Variants in ABCC1 observed in about 807,000 individuals in gnomAD.
ABCC1 encodes the protein ATP binding cassette subfamily C member 1 (ABCC1 blood group).
In ABCC1, 83 loss-of-function variants were observed where a neutral mutation model predicts 172.9. The observed-to-expected ratio is 0.48, with a 90% confidence interval of 0.40 to 0.58. The LOEUF is 0.58. Among genes scored for constraint, ABCC1 ranks in the 20% least tolerant of loss-of-function variants. The probability of loss-of-function intolerance (pLI) is 0.00; values close to 1 mark genes in which losing one functional copy is unlikely to be tolerated. For synonymous variants in ABCC1, 937 were observed against 825.2 expected (o/e 1.14, Z -2.32); for missense variants, 1,817 against 2,002.7 (o/e 0.91, Z 1.77).
chr16:16,122,316 C>A, intron 24 of ABCC1, 142 bp downstream of exon 24: 4 of 856,630 alleles, frequency 4.7e-6, no homozygotes, highest in Non-Finnish European at 5.4e-6. Context: ...GCTTGATGAG[C>A]GCGGAGGACA....
intron 19 of ABCC1, among the ~76,000 whole-genome samples, chr16:16,092,752 G>A (rs545272861): frequency 5.9e-5 from 9 of 152,330 alleles, no homozygotes; most frequent in African/African-American, 2.2e-4. Flanking sequence ...CACTTTGGGA[G>A]GCCAAGGCGG....
At chr16:16,021,798 A>C (rs2151788388) in intron 5 of ABCC1, among the ~76,000 whole-genome samples, 1 of 152,282 alleles carries the variant, frequency 6.6e-6, no homozygotes, top group Middle Eastern at 3.4e-3. Context: ...GGGGGCAAGG[A>C]AGGGTAGGAA....
At chr16:15,955,477 C>G (rs1036914449) in intron 1 of ABCC1, among the ~76,000 whole-genome samples, 2 of 152,168 alleles carry the variant, frequency 1.3e-5, no homozygotes, top group Non-Finnish European at 2.9e-5. Context: ...CTTGAGGGTA[C>G]AAGCCAAAGG....
Position 16,083,453 on chromosome 16 carries a change from C to G in ABCC1, c.2203C>G (p.Pro735Ala). 2 of 1,613,960 alleles carry G rather than the reference C, an allele frequency of 1.2e-6. No homozygotes were observed. Among genetic ancestry groups the G allele is most frequent in the East Asian group, 2.2e-5 (1 of 44,884 alleles). ...CCTTTTTGGATGTCAGCTGGAGGAACCATATTACAGGTCCGTGATACAGGC... is the reference window on the plus strand; with the variant it reads ...CCTTTTTGGATGTCAGCTGGAGGAAGCATATTACAGGTCCGTGATACAGGC... Reference protein sequence around the residue: ...NILFGCQLEEPYYRSVIQACA... With the variant: ...NILFGCQLEEAYYRSVIQACA... Residue 735 changes from proline (P) to alanine (A), a missense_variant, in exon 17 of 31, where the codon CCA (proline) becomes GCA (alanine). By Grantham distance (27) the Pro-to-Ala change is conservative (BLOSUM62 -1). This residue lies in a region of ABCC1 where 1,412 missense variants were observed against 1,600.3 expected (regional missense o/e 0.88). Transcript: ENST00000399410.
In ABCC1 at chr16:16,060,071, C is replaced by G. The variant is rs190002507; in HGVS notation, c.1677+3776C>G. Reference sequence around the variant, plus strand: ...AAACAGGTGTGGGCCAAATGTGGACCTGAGCCATCCTTGTTGGCCAGCCCC... The same window carrying G: ...AAACAGGTGTGGGCCAAATGTGGACGTGAGCCATCCTTGTTGGCCAGCCCC... On this transcript the variant is annotated intron_variant, in intron 12 of 30. Transcript: ENST00000399410. Among the ~76,000 whole-genome samples the G allele has an allele frequency of 6.2e-3, 943 of 152,226 alleles. 10 individuals carry two copies. The highest frequency in any genetic ancestry group is 0.022 in the African/African-American group (895 of 41,558).
chr16:16,103,737 A>G (rs2051897949), intron 20 of ABCC1, among the ~76,000 whole-genome samples: 1 of 152,210 alleles, frequency 6.6e-6, no homozygotes, highest in Non-Finnish European at 1.5e-5. Context: ...AGCAAAGACC[A>G]TGCGGCATAG....
intron 1 of ABCC1, among the ~76,000 whole-genome samples, chr16:15,956,240 C>T (rs770850731): frequency 1.3e-5 from 2 of 152,000 alleles, no homozygotes; most frequent in Middle Eastern, 3.2e-3. Context: ...TGGCGGGTGC[C>T]TGTAATCCCA....
chr16:16,084,099 T>A lies in ABCC1; in HGVS notation c.2292+557T>A, dbSNP rs188499473. The stretch of plus-strand genomic sequence containing the variant: ...TTTTCTCTTTCTTTTCTTTCTTTCT[T>A]TTTATTTATTTATTTATTTTTGAGA... On this transcript the variant is annotated intron_variant, in intron 17 of 30. Coordinates refer to ENST00000399410, the MANE Select transcript of ABCC1 (RefSeq NM_004996.4). Among the ~76,000 whole-genome samples the A allele has an allele frequency of 3.3e-5, 5 of 152,174 alleles. No homozygotes were observed. In the East Asian group the frequency reaches 9.7e-4, roughly 29 times the overall value.
chr16:16,007,258 C>G (rs576306838), intron 1 of ABCC1, among the ~76,000 whole-genome samples: 20 of 143,708 alleles, frequency 1.4e-4, no homozygotes, highest in African/African-American at 5.2e-4. Context: ...GACAGGGTCT[C>G]GCTCTGTTGC....
At chr16:16,067,305 C>T (rs1257493192) in intron 12 of ABCC1, among the ~76,000 whole-genome samples, 1 of 152,172 alleles carries the variant, frequency 6.6e-6, no homozygotes, top group East Asian at 1.9e-4. Context: ...GGCTCAGCGT[C>T]ATCTGTCTTG....
At position 16,090,544 on chromosome 16, in the gene ABCC1, G is replaced by C; in HGVS notation, c.2600G>C (p.Arg867Pro). Reference protein sequence around the residue: ...ARDGAFAEFLRTYASTEQEQD... With the variant: ...ARDGAFAEFLPTYASTEQEQD... ...GACGGCGCCTTCGCTGAGTTCCTGC[G>C]TACCTATGCCAGCACAGAGCAGGAG... Residue 867 changes from arginine to proline, a missense_variant, in exon 19 of 31, where the codon CGT (arginine) becomes CCT (proline). Physicochemically the swap from Arg to Pro is moderately radical, Grantham distance 103 (BLOSUM62 -2). This residue lies in a region of ABCC1 where 1,412 missense variants were observed against 1,600.3 expected (regional missense o/e 0.88). Transcript: ENST00000399410. The C allele has an allele frequency of 6.2e-7, 1 of 1,613,396 alleles. No homozygotes were observed. The highest frequency in any genetic ancestry group is 8.5e-7 in the Non-Finnish European group (1 of 1,179,644).
chr16:16,080,818 A>G (rs2050777699), intron 16 of ABCC1, among the ~76,000 whole-genome samples: 1 of 152,180 alleles, frequency 6.6e-6, no homozygotes, highest in Non-Finnish European at 1.5e-5. Flanking sequence ...GCAACTGCAC[A>G]TTTGTCTCTT....
chr16:15,999,056 A>G (rs1303622897), intron 1 of ABCC1, among the ~76,000 whole-genome samples: 3 of 152,114 alleles, frequency 2.0e-5, no homozygotes, highest in East Asian at 1.9e-4. Flanking sequence ...GCTGGAGTGC[A>G]GTGCTGCGAT....
chr16:16,092,170 G>A (rs931160176), intron 19 of ABCC1, among the ~76,000 whole-genome samples: 6 of 152,128 alleles, frequency 3.9e-5, no homozygotes, highest in African/African-American at 1.4e-4. Flanking sequence ...CCTTGGAGGC[G>A]GAGGTTGCAG....
At position 15,986,581 on chromosome 16, in the gene ABCC1, A is replaced by G. The variant is rs553004641; in HGVS notation, c.49-21235A>G. Among the ~76,000 whole-genome samples, 9 of 152,304 alleles carry G rather than the reference A, an allele frequency of 5.9e-5. No homozygotes were observed. The South Asian group carries it at 1.9e-3, about 32-fold the overall frequency. ...TGATGATCTGAGGGGGAACAGTTTC[A>G]TCCTGAAAGCCACCCCCCGCCATCC... On this transcript the variant is annotated intron_variant, in intron 1 of 30. Transcript: ENST00000399410.
chr16:15,996,588 T>C (rs1229442788), intron 1 of ABCC1, among the ~76,000 whole-genome samples: 2 of 152,192 alleles, frequency 1.3e-5, no homozygotes, highest in Non-Finnish European at 1.5e-5. Context: ...CCTTCCCTCC[T>C]GTCCTGGAGT....
At chr16:16,079,861 T>C (rs1179177403) in intron 16 of ABCC1, among the ~76,000 whole-genome samples, 1 of 151,760 alleles carries the variant, frequency 6.6e-6, no homozygotes, top group African/African-American at 2.4e-5. Context: ...TCCCGCAGGC[T>C]GGAGTGAAGT....
chr16:16,013,270 G>GTTTTTTTTTTTTTTTTTTT, intron 3 of ABCC1, among the ~76,000 whole-genome samples: 1 of 145,798 alleles, frequency 6.9e-6, no homozygotes, highest in Non-Finnish European at 1.5e-5. Context: ...GCCAGCACAT[G>GTTTTTTTTTTTTTTTTTTT]TTTTTTTTTT....
At chr16:16,123,246 A>G (rs558352931) in intron 24 of ABCC1, among the ~76,000 whole-genome samples, 7 of 152,170 alleles carry the variant, frequency 4.6e-5, no homozygotes, top group African/African-American at 1.4e-4. Flanking sequence ...CAATGGAGAA[A>G]AGATCAACAC....
Sources: gnomAD v4.1 joint callset for allele counts (sites outside exome capture counted in the v4.1 genomes callset) on GRCh38, gnomAD v4.1.1 for gene constraint, gnomAD v4.1.1 regional missense constraint, MANE v1.5 for transcripts, NCBI Gene and HGNC (gene_info 2026-07-23, HGNC 2026-07-21) for gene names.